The following COL8A1 variants were observed in gnomAD, a reference collection of about 807,000 sequenced individuals.
COL8A1 encodes collagen type VIII alpha 1 chain.
Under a neutral mutation model 42.7 loss-of-function variants are expected in COL8A1, and 21 were observed. That is an observed-to-expected ratio of 0.49 (90% CI 0.35 to 0.71). The LOEUF is 0.71. Among genes scored for constraint, COL8A1 ranks in the 30% least tolerant of loss-of-function variants. The probability of loss-of-function intolerance (pLI) is 0.01; values close to 1 mark genes in which losing one functional copy is unlikely to be tolerated. For synonymous variants in COL8A1, 367 were observed against 369.1 expected (o/e 0.99, Z 0.06); for missense variants, 788 against 962.4 (o/e 0.82, Z 2.40).
chr3:99,666,092 G>T (rs1938361438), intron 1 of COL8A1, among the ~76,000 whole-genome samples: 1 of 152,036 alleles, frequency 6.6e-6, no homozygotes, highest in South Asian at 2.1e-4. Context: ...TGTGATGTCT[G>T]GAATCCTGAT....
intron 1 of COL8A1, among the ~76,000 whole-genome samples, chr3:99,658,122 C>CA (rs1201662431): frequency 7.5e-6 from 1 of 134,184 alleles, no homozygotes; most frequent in Non-Finnish European, 1.6e-5. Context: ...CTCAAAAAAA[C>CA]AAAAAACAAA....
At chr3:99,681,416 A>G (rs1322119401) in intron 1 of COL8A1, among the ~76,000 whole-genome samples, 3 of 152,236 alleles carry the variant, frequency 2.0e-5, no homozygotes, top group Non-Finnish European at 2.9e-5. Flanking sequence ...AAATTTTCAC[A>G]CCAGTGGCCT....
intron 1 of COL8A1, among the ~76,000 whole-genome samples, chr3:99,691,074 G>T (rs1306933188): frequency 6.6e-6 from 1 of 152,146 alleles, no homozygotes; most frequent in African/African-American, 2.4e-5. Flanking sequence ...TGCAAGTTCT[G>T]CAGGGCTGAT....
At chr3:99,786,530 T>C (rs1941900106) in intron 2 of COL8A1, among the ~76,000 whole-genome samples, 1 of 152,178 alleles carries the variant, frequency 6.6e-6, no homozygotes, top group Non-Finnish European at 1.5e-5. Context: ...TCATGAACAC[T>C]GAGAAATTGC....
intron 1 of COL8A1, among the ~76,000 whole-genome samples, chr3:99,744,182 G>C (rs945511695): frequency 7.9e-5 from 12 of 152,060 alleles, no homozygotes; most frequent in African/African-American, 2.9e-4. Flanking sequence ...CACCTGCCTC[G>C]GCCTCCCAAA....
chr3:99,678,204 G>A (rs1938759445), intron 1 of COL8A1: 1 of 152,028 alleles, frequency 6.6e-6, no homozygotes, highest in Non-Finnish European at 1.5e-5. Flanking sequence ...ACATGCGGGT[G>A]AGCAAGTCTG....
chr3:99,677,064 AAGAG>A (rs140136211), intron 1 of COL8A1, among the ~76,000 whole-genome samples: 5,291 of 149,430 alleles, frequency 0.035, 151 homozygotes, highest in East Asian at 0.072. Context: ...CAAAAAGAAA[AAGAG>A]AGAGAGAGAG....
rs114582738 is a variant in COL8A1, at chr3:99,771,574, C to T, written c.-3-19106C>T. On this transcript the variant is annotated intron_variant, in intron 2 of 3. Coordinates refer to ENST00000652472, the MANE Select transcript of COL8A1 (RefSeq NM_020351.4). ...CCACTTGAAATTAATGCCCCTCAAG[C>T]CTAATGTGCTTTCTGCAAAACAGTC... is the stretch of plus-strand genomic sequence containing the variant. Among the ~76,000 whole-genome samples the T allele has an allele frequency of 3.5e-3, 529 of 152,254 alleles. 5 individuals carry two copies. Among genetic ancestry groups the T allele is most frequent in the African/African-American group, 0.012 (482 of 41,546 alleles).
intron 2 of COL8A1, among the ~76,000 whole-genome samples, chr3:99,764,694 TTTTTTTC>T (rs1452078477): frequency 0.011 from 483 of 43,392 alleles, 2 homozygotes; most frequent in African/African-American, 0.045. Context: ...TTTTTTTTCT[TTTTTTTC>T]TTTTTTTTTT....
chr3:99,664,641 T>A (rs1179269145), intron 1 of COL8A1, among the ~76,000 whole-genome samples: 1 of 152,182 alleles, frequency 6.6e-6, no homozygotes, highest in African/African-American at 2.4e-5. Flanking sequence ...CTGACATCCC[T>A]CTTCCCACTT....
intron 1 of COL8A1, among the ~76,000 whole-genome samples, chr3:99,658,442 T>C (rs146398408): frequency 1.2e-4 from 18 of 152,356 alleles, no homozygotes; most frequent in African/African-American, 4.1e-4. Flanking sequence ...AAAGTGGCCC[T>C]GCCCTGTGCT....
At chr3:99,749,265 G>T (rs1393446888) in intron 2 of COL8A1, among the ~76,000 whole-genome samples, 1 of 152,054 alleles carries the variant, frequency 6.6e-6, no homozygotes, top group Non-Finnish European at 1.5e-5. Flanking sequence ...TTACACCAAG[G>T]TTCTCTCACT....
chr3:99,772,541 G>A (rs1184916589), intron 2 of COL8A1, among the ~76,000 whole-genome samples: 1 of 152,160 alleles, frequency 6.6e-6, no homozygotes, highest in Admixed American at 6.5e-5. Context: ...GGGAGGTTGT[G>A]CCAGTGTGGG....
intron 2 of COL8A1, among the ~76,000 whole-genome samples, chr3:99,785,772 G>C (rs1222532824): frequency 6.6e-6 from 1 of 152,112 alleles, no homozygotes; most frequent in Non-Finnish European, 1.5e-5. Context: ...TACAAGCCAA[G>C]GCGAGAGGCT....
intron 2 of COL8A1, among the ~76,000 whole-genome samples, chr3:99,778,976 G>A (rs751110487): frequency 2.8e-4 from 42 of 152,126 alleles, no homozygotes; most frequent in Non-Finnish European, 5.6e-4. Context: ...TACATGGCAT[G>A]TCCCTCCCCA....
intron 1 of COL8A1, among the ~76,000 whole-genome samples, chr3:99,664,704 G>C (rs1938310815): frequency 6.6e-6 from 1 of 152,202 alleles, no homozygotes; most frequent in Non-Finnish European, 1.5e-5. Flanking sequence ...GGGGAGAGAA[G>C]AAAGGGACTA....
At chr3:99,767,511 G>T (rs1393147157) in intron 2 of COL8A1, among the ~76,000 whole-genome samples, 1 of 152,154 alleles carries the variant, frequency 6.6e-6, no homozygotes, top group Non-Finnish European at 1.5e-5. Flanking sequence ...GTAACAGCTG[G>T]TGGACCCAAC....
intron 1 of COL8A1, among the ~76,000 whole-genome samples, chr3:99,661,766 A>G (rs1237357514): frequency 1.3e-5 from 2 of 152,196 alleles, no homozygotes; most frequent in Non-Finnish European, 2.9e-5. Flanking sequence ...TGGCATATAT[A>G]TTGTATTAAA....
intron 1 of COL8A1, among the ~76,000 whole-genome samples, chr3:99,681,241 C>T (rs1013794040): frequency 3.3e-5 from 5 of 152,154 alleles, no homozygotes; most frequent in Non-Finnish European, 7.3e-5. Context: ...ATCTATCCAT[C>T]TGACAAAGGG....
Sources: allele counts gnomAD v4.1 joint callset (sites outside exome capture counted in the v4.1 genomes callset), GRCh38; gene constraint gnomAD v4.1.1; transcripts MANE v1.5; gene names NCBI Gene and HGNC (gene_info 2026-07-23, HGNC 2026-07-21).